The following SYNPR variants were observed in gnomAD, a reference collection of about 807,000 sequenced individuals.
The protein encoded by SYNPR is synaptoporin.
A neutral mutation model predicts 32.9 loss-of-function variants in SYNPR; 23 were observed. The observed-to-expected ratio is 0.70, with a 90% CI of 0.50 to 0.99. The LOEUF (loss-of-function observed/expected upper bound fraction) is 0.99. SYNPR is among the 50% of genes least tolerant of loss of function. SYNPR has a pLI of 0.00. For synonymous variants in SYNPR, 146 were observed against 135.9 expected (o/e 1.07, Z -0.52); for missense variants, 318 against 349.3 (o/e 0.91, Z 0.71).
At chr3:63,596,959 A>G (rs1348946833) in intron 4 of SYNPR, among the ~76,000 whole-genome samples, 2 of 152,218 alleles carry the variant, frequency 1.3e-5, no homozygotes, top group African/African-American at 4.8e-5. Flanking sequence ...TAAAATACAC[A>G]TCACGTTTCA....
chr3:63,454,115 A>G (rs147691579), intron 2 of SYNPR, among the ~76,000 whole-genome samples: 417 of 152,288 alleles, frequency 2.7e-3, no homozygotes, highest in African/African-American at 4.1e-3. Flanking sequence ...CTGGGAATGC[A>G]GTAGTGTTAT....
intron 2 of SYNPR, among the ~76,000 whole-genome samples, chr3:63,363,569 C>T (rs2087690521): frequency 6.6e-6 from 1 of 152,192 alleles, no homozygotes; most frequent in South Asian, 2.1e-4. Context: ...GTTGCTCTGA[C>T]ATTGACTCTG....
intron 2 of SYNPR, among the ~76,000 whole-genome samples, chr3:63,396,970 G>A (rs1178134235): frequency 1.3e-5 from 2 of 152,132 alleles, no homozygotes; most frequent in African/African-American, 4.8e-5. Flanking sequence ...CAGGCGTGGT[G>A]GCAGGCACCT....
chr3:63,257,601 C>G, intron 2 of SYNPR, among the ~76,000 whole-genome samples: 1 of 152,142 alleles, frequency 6.6e-6, no homozygotes, highest in Non-Finnish European at 1.5e-5. Context: ...CCAGTAACAG[C>G]CACTGCAAAA....
intron 2 of SYNPR, among the ~76,000 whole-genome samples, chr3:63,361,162 T>G (rs2087654454): frequency 6.6e-6 from 1 of 152,200 alleles, no homozygotes; most frequent in Non-Finnish European, 1.5e-5. Flanking sequence ...CTCAATGGCC[T>G]ATGCTGGGTT....
chr3:63,332,441 A>C (rs2087240590), intron 2 of SYNPR, among the ~76,000 whole-genome samples: 1 of 152,220 alleles, frequency 6.6e-6, no homozygotes, highest in Non-Finnish European at 1.5e-5. Context: ...ATGAGGGCCA[A>C]AATATATCTG....
At chr3:63,221,440 T>A in the SYNPR span, among the ~76,000 whole-genome samples, 1 of 152,172 alleles carries the variant, frequency 6.6e-6, no homozygotes. Context: ...TAGGAAATAC[T>A]GATGTAATCT....
At chr3:63,335,521 T>G (rs946200285) in intron 2 of SYNPR, among the ~76,000 whole-genome samples, 1 of 152,104 alleles carries the variant, frequency 6.6e-6, no homozygotes, top group African/African-American at 2.4e-5. Flanking sequence ...TTAACCAAAT[T>G]AACGCACATT....
intron 2 of SYNPR, among the ~76,000 whole-genome samples, chr3:63,404,932 T>C (rs17068494): frequency 0.029 from 4,425 of 152,256 alleles, 201 homozygotes; most frequent in African/African-American, 0.1. Flanking sequence ...ACTAACTCTA[T>C]GTAGTCAGAA....
intron 2 of SYNPR, among the ~76,000 whole-genome samples, chr3:63,339,562 G>A (rs2087337136): frequency 6.6e-6 from 1 of 151,742 alleles, no homozygotes; most frequent in African/African-American, 2.4e-5. Flanking sequence ...TTGTGCACAT[G>A]TGTGTGTGTA....
chr3:63,298,995 G>C (rs752385716), intron 2 of SYNPR, among the ~76,000 whole-genome samples: 8 of 152,102 alleles, frequency 5.3e-5, no homozygotes, highest in Non-Finnish European at 1.0e-4. Context: ...CTTTGGGAAG[G>C]AACTCCCTCT....
chr3:63,403,142 TA>T (rs1325676854), intron 2 of SYNPR, among the ~76,000 whole-genome samples: 1 of 152,188 alleles, frequency 6.6e-6, no homozygotes, highest in Non-Finnish European at 1.5e-5. Context: ...TTCCTCCCAC[TA>T]AAGCGTATTT....
intron 2 of SYNPR, among the ~76,000 whole-genome samples, chr3:63,357,800 AAGG>A (rs2107028928): frequency 6.6e-6 from 1 of 152,304 alleles, no homozygotes; most frequent in Admixed American, 6.5e-5. Flanking sequence ...ATTAGCATCT[AAGG>A]AGATTATGCT....
At position 63,490,031 on chromosome 3, in the gene SYNPR, G is replaced by A. The variant is rs1391391553; in HGVS notation, c.209+9075G>A. Among the ~76,000 whole-genome samples the A allele has an allele frequency of 3.3e-5, 5 of 152,170 alleles. No homozygotes were observed. The East Asian group carries it at 9.6e-4, about 29-fold the overall frequency. The stretch of plus-strand genomic sequence containing the variant: ...GGTAAAAGTCTTGAGAGGAAATTAG[G>A]AAGGTTAAGGGATAAAGAGAGAAGC... On this transcript the variant is annotated intron_variant, in intron 3 of 5. Transcript: ENST00000478300.
intron 3 of SYNPR, among the ~76,000 whole-genome samples, chr3:63,490,606 C>T (rs976113293): frequency 6.6e-6 from 1 of 152,052 alleles, no homozygotes; most frequent in Non-Finnish European, 1.5e-5. Flanking sequence ...AATGGTGCAT[C>T]TATAGTCCAG....
chr3:63,243,707 G>C (rs1284947872), intron 1 of SYNPR, among the ~76,000 whole-genome samples: 1 of 152,008 alleles, frequency 6.6e-6, no homozygotes, highest in East Asian at 1.9e-4. Context: ...GTGTAACCAT[G>C]TAAGGAGTAT....
chr3:63,378,527 A>G (rs1348106233), intron 2 of SYNPR, among the ~76,000 whole-genome samples: 1 of 151,970 alleles, frequency 6.6e-6, no homozygotes, highest in Non-Finnish European at 1.5e-5. Flanking sequence ...CCCTCTGCCA[A>G]TATTGGAGTT....
At chr3:63,343,433 G>A (rs2087394174) in intron 2 of SYNPR, among the ~76,000 whole-genome samples, 1 of 152,218 alleles carries the variant, frequency 6.6e-6, no homozygotes. Context: ...GGGTGGTGGT[G>A]TGCATCCCAG....
intron 2 of SYNPR, among the ~76,000 whole-genome samples, chr3:63,326,120 C>A (rs1369118973): frequency 6.6e-6 from 1 of 151,960 alleles, no homozygotes; most frequent in Non-Finnish European, 1.5e-5. Flanking sequence ...TTCAAGTTTG[C>A]CATACCCACA....
Sources: gnomAD v4.1 joint callset for allele counts (sites outside exome capture counted in the v4.1 genomes callset) on GRCh38, gnomAD v4.1.1 for gene constraint, MANE v1.5 for transcripts, NCBI Gene and HGNC (gene_info 2026-07-23, HGNC 2026-07-21) for gene names.